The following ZNF37A variants were observed in gnomAD, a reference collection of about 807,000 sequenced individuals.
ZNF37A encodes zinc finger protein 37a (KOX 21).
In ZNF37A, 10 loss-of-function variants were observed where a neutral mutation model predicts 12.3. The observed-to-expected ratio is 0.82, with a 90% CI of 0.50 to 1.38. The LOEUF (loss-of-function observed/expected upper bound fraction) is 1.38, where lower values mean the gene tolerates loss of function less well. Among genes scored for constraint, ZNF37A ranks in the 40% most tolerant of loss-of-function variants. ZNF37A has a pLI of 0.00. For synonymous variants in ZNF37A, 207 were observed against 223.0 expected (o/e 0.93, Z 0.64); for missense variants, 580 against 651.2 (o/e 0.89, Z 1.19).
rs192816214 is a variant in ZNF37A, at chr10:38,146,632, T to C, written c.239-100T>C. 2.4e-3 allele frequency: 955 copies of C among 393,744 alleles called. 2 individuals are homozygous for C. The highest frequency in any genetic ancestry group is 0.012 in the Middle Eastern group (19 of 1,544). 24.4% of individuals were successfully genotyped at this position (393,744 alleles called of 1,614,324 possible). On this transcript the variant is annotated intron_variant, in intron 7 of 7. Coordinates refer to the ZNF37A transcript ENST00000638053. ...TAAAAATAAATGCAGTAGATCCATA[T>C]AGGCAGTTTCCACATTTGAAACCAA...
At chr10:38,147,478 A>G (rs2070269759) in exon 8 of ZNF37A, 1 of 152,088 alleles carries the variant, frequency 6.6e-6, no homozygotes, top group South Asian at 2.1e-4. Flanking sequence ...TTATTATTTG[A>G]TTGGGGTTAG....
intron 5 of ZNF37A, among the ~76,000 whole-genome samples, chr10:38,097,583 CAAAAAAAAAAAAAAA>C (rs71007695): frequency 3.2e-5 from 2 of 61,926 alleles, no homozygotes; most frequent in African/African-American, 4.7e-5. Context: ...GACTCTGTCT[CAAAAAAAAAAAAAAA>C]AAAAAAAAAA....
intron 5 of ZNF37A, among the ~76,000 whole-genome samples, chr10:38,101,651 T>G (rs1179650705): frequency 1.3e-5 from 2 of 151,960 alleles, no homozygotes; most frequent in East Asian, 3.8e-4. Context: ...TAAAGTCTCT[T>G]TTGTCTCAGT....
At chr10:38,097,922 A>C (rs1293966302) in intron 5 of ZNF37A, among the ~76,000 whole-genome samples, 1 of 152,218 alleles carries the variant, frequency 6.6e-6, no homozygotes, top group Non-Finnish European at 1.5e-5. Context: ...CACCAAAAGG[A>C]AACATAGTAC....
At chr10:38,147,683 G>T (rs556885516) in exon 8 of ZNF37A, 5 of 152,240 alleles carry the variant, frequency 3.3e-5, no homozygotes, top group African/African-American at 1.2e-4. Flanking sequence ...GAAAAACAGA[G>T]CTTGCTTTTG....
chr10:38,113,205 A>ATTTTTTTTTTTTTT (rs71007697), intron 5 of ZNF37A, among the ~76,000 whole-genome samples: 1 of 75,832 alleles, frequency 1.3e-5, no homozygotes, highest in African/African-American at 5.5e-5. Flanking sequence ...TTAGTCTGTG[A>ATTTTTTTTTTTTTT]TTTTTTTTTT....
chr10:38,111,336 G>C (rs1286577925), intron 5 of ZNF37A, among the ~76,000 whole-genome samples: 2 of 151,842 alleles, frequency 1.3e-5, no homozygotes, highest in Non-Finnish European at 2.9e-5. Flanking sequence ...CTGTCAGGGG[G>C]TTGGGGGCTA....
At chr10:38,125,226 A>T (rs2069907151), downstream of ZNF37A, 1 of 152,222 alleles carries the variant, frequency 6.6e-6, no homozygotes, top group Admixed American at 6.5e-5. Flanking sequence ...TGTTAAATTC[A>T]AAAGCTTGTG....
At chr10:38,106,765 G>T (rs1306435977) in intron 5 of ZNF37A, among the ~76,000 whole-genome samples, 1 of 151,942 alleles carries the variant, frequency 6.6e-6, no homozygotes, top group Non-Finnish European at 1.5e-5. Flanking sequence ...AGAGATTGAA[G>T]ATCAAATTAA....
chr10:38,109,904 A>G (rs1019672404), intron 5 of ZNF37A, among the ~76,000 whole-genome samples: 3 of 152,232 alleles, frequency 2.0e-5, no homozygotes, highest in African/African-American at 7.2e-5. Flanking sequence ...TATTGTGAAA[A>G]TGGGCATATT....
At chr10:38,111,083 C>G (rs1216436260) in intron 5 of ZNF37A, among the ~76,000 whole-genome samples, 2 of 152,120 alleles carry the variant, frequency 1.3e-5, no homozygotes, top group Non-Finnish European at 2.9e-5. Context: ...GGAACCAACC[C>G]AAATGCCCAT....
chr10:38,101,759 GACTA>G (rs2067592641), intron 5 of ZNF37A, among the ~76,000 whole-genome samples: 1 of 150,504 alleles, frequency 6.6e-6, no homozygotes, highest in Non-Finnish European at 1.5e-5. Context: ...GTGTCTTATA[GACTA>G]TATATAGTTG....
At chr10:38,142,140 G>C (rs973001773) in intron 7 of ZNF37A, 1 of 152,142 alleles carries the variant, frequency 6.6e-6, no homozygotes, top group Non-Finnish European at 1.5e-5. Context: ...AGGGAAGCAG[G>C]GCTCTCTTTT....
chr10:38,148,890 T>C (rs1165363528), exon 8 of ZNF37A: 1 of 151,454 alleles, frequency 6.6e-6, no homozygotes, highest in East Asian at 1.9e-4. Context: ...CAGGTTGGAG[T>C]GCAGTGGTAC....
chr10:38,106,824 C>T (rs143388131), intron 5 of ZNF37A, among the ~76,000 whole-genome samples: 2,003 of 152,072 alleles, frequency 0.013, 25 homozygotes, highest in Non-Finnish European at 0.017. Flanking sequence ...TGAAAAGGAA[C>T]GAACAAAGCC....
exon 8 of ZNF37A, chr10:38,146,917 C>T: frequency 2.5e-6 from 1 of 394,156 alleles, no homozygotes; most frequent in Non-Finnish European, 4.5e-6. Flanking sequence ...AGAGTTTGAC[C>T]CACATGTTTA....
At chr10:38,130,212 A>G (rs2070003007), downstream of ZNF37A, among the ~76,000 whole-genome samples, 1 of 152,132 alleles carries the variant, frequency 6.6e-6, no homozygotes, top group Non-Finnish European at 1.5e-5. Flanking sequence ...TTAAAACATT[A>G]ATTTTTATGG....
intron 5 of ZNF37A, among the ~76,000 whole-genome samples, chr10:38,111,727 C>T (rs2068670693): frequency 6.6e-6 from 1 of 152,096 alleles, no homozygotes; most frequent in African/African-American, 2.4e-5. Flanking sequence ...CAAAGGATTC[C>T]CTTTAGCATT....
chr10:38,096,184 CAAAA>C (rs746328112), intron 4 of ZNF37A, among the ~76,000 whole-genome samples: 1 of 151,766 alleles, frequency 6.6e-6, no homozygotes, highest in Non-Finnish European at 1.5e-5. Context: ...AACAAACAAA[CAAAA>C]AAAACTGGGC....
Sources: allele counts gnomAD v4.1 joint callset (sites outside exome capture counted in the v4.1 genomes callset), GRCh38; gene constraint gnomAD v4.1.1; transcripts MANE v1.5; gene names NCBI Gene and HGNC (gene_info 2026-07-23, HGNC 2026-07-21).